The following ATP6V0D2 variants were observed in gnomAD, a reference collection of about 807,000 sequenced individuals.
ATP6V0D2 encodes ATPase H+ transporting V0 subunit d2.
A neutral mutation model predicts 40.0 loss-of-function variants in ATP6V0D2; 40 were observed. The ratio of observed to expected loss-of-function variants is 1.00; its 90% confidence interval spans 0.78 to 1.30. ATP6V0D2 has a LOEUF of 1.30. Ranked by LOEUF, ATP6V0D2 falls within the 50% of genes most tolerant of loss-of-function variation. The pLI is 0.00. For synonymous variants in ATP6V0D2, 179 were observed against 156.3 expected (o/e 1.15, Z -1.08); for missense variants, 470 against 423.1 (o/e 1.11, Z -0.97).
At chr8:86,110,229 G>C (rs1285383542) in intron 1 of ATP6V0D2, among the ~76,000 whole-genome samples, 2 of 152,010 alleles carry the variant, frequency 1.3e-5, no homozygotes, top group East Asian at 3.8e-4. Flanking sequence ...TGAGTAGCTG[G>C]GATTACAGGC....
intron 5 of ATP6V0D2, among the ~76,000 whole-genome samples, chr8:86,145,897 G>A (rs1819062907): frequency 6.6e-6 from 1 of 152,174 alleles, no homozygotes; most frequent in Non-Finnish European, 1.5e-5. Context: ...TATCTTGAGT[G>A]CTTTACATAC....
At chr8:86,117,604 A>G (rs920768946) in intron 2 of ATP6V0D2, among the ~76,000 whole-genome samples, 18 of 152,200 alleles carry the variant, frequency 1.2e-4, no homozygotes, top group African/African-American at 4.1e-4. Flanking sequence ...CATGTTACTT[A>G]CAGGCAAGAC....
intron 2 of ATP6V0D2, among the ~76,000 whole-genome samples, 183 bp downstream of exon 2, chr8:86,114,063 G>A (rs910965691): frequency 6.6e-6 from 1 of 151,880 alleles, no homozygotes; most frequent in African/African-American, 2.4e-5. Flanking sequence ...ATTAGAAAAT[G>A]GATTTCATTG....
At chr8:86,118,066 CTTCCTTCT>C (rs1292295566) in intron 2 of ATP6V0D2, among the ~76,000 whole-genome samples, 1 of 95,174 alleles carries the variant, frequency 1.1e-5, no homozygotes, top group Non-Finnish European at 2.2e-5. Context: ...TCTTTCCTTC[CTTCCTTCT>C]TTCTTTCTTT....
At chr8:86,119,566 A>T (rs950636743) in intron 2 of ATP6V0D2, among the ~76,000 whole-genome samples, 5 of 152,262 alleles carry the variant, frequency 3.3e-5, no homozygotes, top group Middle Eastern at 3.4e-3. Flanking sequence ...GAAACTTAGC[A>T]TTCATTAATT....
chr8:86,138,871 C>T (rs1818931742), intron 2 of ATP6V0D2, among the ~76,000 whole-genome samples: 1 of 152,216 alleles, frequency 6.6e-6, no homozygotes, highest in Admixed American at 6.5e-5. Flanking sequence ...GGAGGGGCTT[C>T]TTCCGCATAT....
chr8:86,104,916 A>G (rs559049963), intron 1 of ATP6V0D2, among the ~76,000 whole-genome samples: 10 of 151,832 alleles, frequency 6.6e-5, no homozygotes, highest in Non-Finnish European at 1.5e-4. Context: ...ATGATAAATG[A>G]CAGCTTAAAA....
intron 5 of ATP6V0D2, among the ~76,000 whole-genome samples, chr8:86,144,143 T>C (rs1158147094): frequency 6.6e-6 from 1 of 152,178 alleles, no homozygotes; most frequent in East Asian, 1.9e-4. Context: ...GACCACAGAT[T>C]TCATCTATGC....
rs868298508 is a variant in ATP6V0D2 at position 86,136,054 on chromosome 8, C to A, written c.303-3403C>A. 8.5e-5 allele frequency among the ~76,000 whole-genome samples: 13 copies of A among 152,174 alleles called. No homozygotes were observed. In the South Asian group the frequency reaches 1.0e-3, roughly 12 times the overall value. On this transcript the variant is annotated intron_variant, in intron 2 of 7. Coordinates refer to ENST00000285393, the MANE Select transcript of ATP6V0D2 (RefSeq NM_152565.1). ...GAGAGGGGACAGGAAAGAGACACCC[C>A]TGCCCCTCATTGTGGGCCAAGCCCT...
intron 2 of ATP6V0D2, among the ~76,000 whole-genome samples, chr8:86,120,544 G>A (rs1254925679): frequency 2.0e-5 from 3 of 152,266 alleles, no homozygotes; most frequent in Admixed American, 2.0e-4. Context: ...AACACAGCAA[G>A]ACCCTGTCTC....
At chr8:86,144,724 T>C (rs13251068) in intron 5 of ATP6V0D2, among the ~76,000 whole-genome samples, 1 of 152,154 alleles carries the variant, frequency 6.6e-6, no homozygotes, top group Non-Finnish European at 1.5e-5. Flanking sequence ...AGGAGTGCAG[T>C]GGCATGATCA....
intron 2 of ATP6V0D2, among the ~76,000 whole-genome samples, chr8:86,115,358 ATTTTTTTTTTT>A (rs564384965): frequency 1.4e-5 from 1 of 73,278 alleles, no homozygotes; most frequent in African/African-American, 5.6e-5. Context: ...CGTATCATCC[ATTTTTTTTTTT>A]TTTTTTTTTT....
Position 86,150,169 on chromosome 8 carries a change from A to C in ATP6V0D2, c.697A>C (p.Ser233Arg), listed in dbSNP as rs754167366. The C allele has an allele frequency of 4.3e-6, 7 of 1,613,392 alleles. No individual in the cohort carries two copies. Among genetic ancestry groups the C allele is most frequent in the Middle Eastern group, 1.6e-4 (1 of 6,080 alleles). Residue 233 changes from serine (S) to arginine (R), a missense_variant, in exon 6 of 8, where the codon AGC (serine) becomes CGC (arginine). Physicochemically the swap from Ser to Arg is moderately radical, Grantham distance 110 (BLOSUM62 -1). Transcript: ENST00000285393. ...TCTTAACTCCTTTGGCACTGAATTG[A>C]GCAAAGAAGACCGAGAGACCCTCTA... Reference protein sequence around the residue: ...ITLNSFGTELSKEDRETLYPT... With the variant: ...ITLNSFGTELRKEDRETLYPT...
chr8:86,131,261 G>T (rs1818822312), intron 2 of ATP6V0D2, among the ~76,000 whole-genome samples: 1 of 152,092 alleles, frequency 6.6e-6, no homozygotes, highest in Middle Eastern at 3.2e-3. Flanking sequence ...GTTCAGTGGT[G>T]CAATCTCGGC....
chr8:86,113,409 G>A (rs1665715799), intron 1 of ATP6V0D2, among the ~76,000 whole-genome samples: 2 of 152,186 alleles, frequency 1.3e-5, no homozygotes, highest in South Asian at 2.1e-4. Context: ...GCGAACCCAA[G>A]AGGCAGAGGT....
intron 2 of ATP6V0D2, among the ~76,000 whole-genome samples, chr8:86,130,905 T>C (rs1818814837): frequency 6.6e-6 from 1 of 152,090 alleles, no homozygotes; most frequent in Non-Finnish European, 1.5e-5. Flanking sequence ...TCTGGGTTTA[T>C]CTCCGTCTCT....
chr8:86,105,164 A>G (rs149338390), intron 1 of ATP6V0D2, among the ~76,000 whole-genome samples: 116 of 152,302 alleles, frequency 7.6e-4, no homozygotes, highest in African/African-American at 2.6e-3. Context: ...CCTGTATAAC[A>G]TCTGTGACAT....
intron 5 of ATP6V0D2, among the ~76,000 whole-genome samples, chr8:86,147,448 C>T (rs1563566944): frequency 6.6e-6 from 1 of 152,112 alleles, no homozygotes; most frequent in Non-Finnish European, 1.5e-5. Flanking sequence ...TACACCATAC[C>T]ACACAGCGTG....
At chr8:86,134,888 A>G (rs1418549846) in intron 2 of ATP6V0D2, among the ~76,000 whole-genome samples, 1 of 152,270 alleles carries the variant, frequency 6.6e-6, no homozygotes, top group Non-Finnish European at 1.5e-5. Context: ...AATGTATTAC[A>G]TGTATCTCAA....
Sources: gnomAD v4.1 joint callset for allele counts (sites outside exome capture counted in the v4.1 genomes callset) on GRCh38, gnomAD v4.1.1 for gene constraint, MANE v1.5 for transcripts, NCBI Gene and HGNC (gene_info 2026-07-23, HGNC 2026-07-21) for gene names.